UBE2R2: variants seen among roughly 807,000 people sequenced by gnomAD.
UBE2R2 encodes ubiquitin conjugating enzyme E2 R2.
In UBE2R2, 1 loss-of-function variant was observed where a neutral mutation model predicts 27.8. The ratio of observed to expected loss-of-function variants is 0.04; its 90% CI spans 0.01 to 0.17. The LOEUF (loss-of-function observed/expected upper bound fraction) is 0.17. Among genes scored for constraint, UBE2R2 ranks in the 10% least tolerant of loss-of-function variants. The pLI, the probability that UBE2R2 is intolerant of heterozygous loss-of-function variation, is 1.00. For synonymous variants in UBE2R2, 106 were observed against 113.3 expected, an observed-to-expected ratio of 0.94 and a Z score of 0.41; for missense variants, 100 against 291.0, an observed-to-expected ratio of 0.34 and a Z score of 4.78.
intron 1 of UBE2R2, among the ~76,000 whole-genome samples, chr9:33,833,433 A>G (rs1009987095): frequency 1.3e-5 from 2 of 152,210 alleles, no homozygotes; most frequent in African/African-American, 2.4e-5. Context: ...ACCTCAGGTG[A>G]TCCACCTGCC....
intron 3 of UBE2R2, among the ~76,000 whole-genome samples, chr9:33,909,339 T>G (rs1197183653): frequency 6.6e-6 from 1 of 151,656 alleles, no homozygotes; most frequent in East Asian, 1.9e-4. Flanking sequence ...ACAAAAAAAT[T>G]TGGCCAACTG....
intron 1 of UBE2R2, among the ~76,000 whole-genome samples, chr9:33,866,448 A>C (rs1012291225): frequency 1.2e-4 from 19 of 152,128 alleles, no homozygotes; most frequent in Admixed American, 4.6e-4. Flanking sequence ...CTTGTTGGTC[A>C]GGCTGATCTC....
At chr9:33,880,026 C>G (rs1465204868) in intron 1 of UBE2R2, among the ~76,000 whole-genome samples, 1 of 151,592 alleles carries the variant, frequency 6.6e-6, no homozygotes, top group African/African-American at 2.4e-5. Flanking sequence ...GCTGGGACCT[C>G]AGGGGTGCAC....
chr9:33,912,222 G>A (rs1369778095), intron 4 of UBE2R2, 124 bp downstream of exon 4: 1 of 885,214 alleles, frequency 1.1e-6, no homozygotes, highest in African/African-American at 1.7e-5. Context: ...TAGATTTATA[G>A]TGTGGGAAGA....
chr9:33,896,903 A>G (rs556334337), intron 2 of UBE2R2, among the ~76,000 whole-genome samples: 74 of 150,536 alleles, frequency 4.9e-4, no homozygotes, highest in Non-Finnish European at 9.6e-4. Context: ...TCATTTTGAA[A>G]TGCAAATCTG....
At chr9:33,864,066 G>A (rs1769721) in intron 1 of UBE2R2, among the ~76,000 whole-genome samples, 61,421 of 151,890 alleles carry the variant, frequency 0.4, 12,739 homozygotes, top group South Asian at 0.48. Context: ...CAAGCAAGCA[G>A]TCCTTTTGCC....
intron 1 of UBE2R2, among the ~76,000 whole-genome samples, chr9:33,831,693 T>C (rs1282431036): frequency 2.0e-5 from 3 of 152,146 alleles, no homozygotes; most frequent in African/African-American, 4.8e-5. Flanking sequence ...GGAGTCTCAC[T>C]ATGTCGCCCA....
At chr9:33,902,497 T>C (rs1587479893) in intron 3 of UBE2R2, among the ~76,000 whole-genome samples, 1 of 152,296 alleles carries the variant, frequency 6.6e-6, no homozygotes, top group Middle Eastern at 3.4e-3. Flanking sequence ...ATTTTTTGGG[T>C]CTAATGTGAA....
chr9:33,851,816 A>C lies in UBE2R2; in HGVS notation c.177+33882A>C, dbSNP rs141885837. On this transcript the variant is annotated intron_variant, in intron 1 of 4. Transcript: ENST00000263228. ...AATGGACTCATCTCCTATTTCATTA[A>C]ATGGGTAGTAATGGTATACATTCAC... Among the ~76,000 whole-genome samples, 184 of 152,276 alleles carry C rather than the reference A, an allele frequency of 1.2e-3. 1 individual carries two copies. The highest frequency in any genetic ancestry group is 0.011 in the Admixed American group (164 of 15,286).
intron 1 of UBE2R2, among the ~76,000 whole-genome samples, chr9:33,834,701 A>C (rs1348138999): frequency 6.6e-6 from 1 of 151,928 alleles, no homozygotes; most frequent in Non-Finnish European, 1.5e-5. Flanking sequence ...ACCTGAGGTC[A>C]GGAGTTCGAG....
At chr9:33,816,679 C>A (rs1193091152), upstream of UBE2R2, among the ~76,000 whole-genome samples, 5 of 152,234 alleles carry the variant, frequency 3.3e-5, no homozygotes, top group African/African-American at 4.8e-5. Flanking sequence ...GTCAGCACAT[C>A]CTAATCAAGT....
intron 1 of UBE2R2, among the ~76,000 whole-genome samples, chr9:33,818,290 A>C (rs1233235296): frequency 7.1e-6 from 1 of 140,718 alleles, no homozygotes; most frequent in Non-Finnish European, 1.5e-5. Flanking sequence ...TCCGGTCGGA[A>C]CCCCTCCCTG....
At chr9:33,845,346 A>G (rs1820820975) in intron 1 of UBE2R2, among the ~76,000 whole-genome samples, 1 of 150,528 alleles carries the variant, frequency 6.6e-6, no homozygotes, top group Non-Finnish European at 1.5e-5. Flanking sequence ...TCCCGGGTTC[A>G]CGCCATTCTC....
intron 1 of UBE2R2, among the ~76,000 whole-genome samples, chr9:33,862,525 A>G (rs1379760011): frequency 6.6e-6 from 1 of 151,986 alleles, no homozygotes; most frequent in Admixed American, 6.6e-5. Context: ...GTGTGCTCTC[A>G]TTTTTTCCCA....
intron 1 of UBE2R2, among the ~76,000 whole-genome samples, chr9:33,884,374 C>T (rs1290562229): frequency 2.7e-5 from 4 of 150,754 alleles, no homozygotes; most frequent in Admixed American, 2.0e-4. Flanking sequence ...AGCCCCACCT[C>T]CTGGGCTCAA....
intron 1 of UBE2R2, among the ~76,000 whole-genome samples, chr9:33,853,345 A>G (rs1368526365): frequency 7.7e-6 from 1 of 129,330 alleles, no homozygotes; most frequent in Non-Finnish European, 1.5e-5. Context: ...GCTGGAGTGC[A>G]GTGGTGCGAC....
At position 33,849,431 on chromosome 9, in the gene UBE2R2, A is replaced by G. The variant is rs1448769547; in HGVS notation, c.177+31497A>G. 2.6e-5 allele frequency among the ~76,000 whole-genome samples: 4 copies of G among 152,174 alleles called. No individual in the cohort carries two copies. The South Asian group carries it at 6.2e-4, about 24-fold the overall frequency. ...CTGTTATATATAGGTATATATAAAGAGATATGTAAGTAATATCAAACAACC... is the reference window on the plus strand; with the variant it reads ...CTGTTATATATAGGTATATATAAAGGGATATGTAAGTAATATCAAACAACC... On this transcript the variant is annotated intron_variant, in intron 1 of 4. Transcript: ENST00000263228.
At chr9:33,899,866 A>G (rs1316371284) in intron 2 of UBE2R2, among the ~76,000 whole-genome samples, 2 of 152,146 alleles carry the variant, frequency 1.3e-5, no homozygotes. Flanking sequence ...TATACCTTGG[A>G]GATTGGTCGA....
chr9:33,863,403 T>C (rs1463543630), intron 1 of UBE2R2, among the ~76,000 whole-genome samples: 1 of 151,130 alleles, frequency 6.6e-6, no homozygotes, highest in Non-Finnish European at 1.5e-5. Flanking sequence ...TCCCAGCTAT[T>C]TGGGAGGCTC....
Sources: allele counts gnomAD v4.1 joint callset (sites outside exome capture counted in the v4.1 genomes callset), GRCh38; gene constraint gnomAD v4.1.1; transcripts MANE v1.5; gene names NCBI Gene and HGNC (gene_info 2026-07-23, HGNC 2026-07-21).